The following LMNB2 variants were observed in gnomAD, a reference collection of about 807,000 sequenced individuals.
LMNB2 encodes the protein lamin-B2.
A neutral mutation model predicts 69.3 loss-of-function variants in LMNB2; 17 were observed. That is an observed-to-expected ratio of 0.25 (90% CI 0.17 to 0.37). The LOEUF is 0.37. LMNB2 is among the 10% of genes least tolerant of loss of function. LMNB2 has a pLI of 1.00. For synonymous variants in LMNB2, 397 were observed against 389.3 expected (o/e 1.02, Z -0.23); for missense variants, 789 against 883.6 (o/e 0.89, Z 1.36).
chr19:2,446,212 C>G (rs1971954073), intron 1 of LMNB2, among the ~76,000 whole-genome samples: 1 of 149,386 alleles, frequency 6.7e-6, no homozygotes, highest in African/African-American at 2.5e-5. Flanking sequence ...AGCTCCCCAC[C>G]CCACCAGCGG....
At chr19:2,432,850 C>T (rs1308274065) in intron 8 of LMNB2, among the ~76,000 whole-genome samples, 2 of 130,678 alleles carry the variant, frequency 1.5e-5, no homozygotes, top group Non-Finnish European at 3.3e-5. Flanking sequence ...TGGGTCACCC[C>T]GTTACCCCCA....
intron 2 of LMNB2, among the ~76,000 whole-genome samples, chr19:2,440,280 T>A (rs771540952): frequency 4.0e-5 from 6 of 149,352 alleles, no homozygotes; most frequent in South Asian, 4.2e-4. Flanking sequence ...AACCTCCACC[T>A]CCCGGGTTCA....
chr19:2,440,961 C>G lies in LMNB2; in HGVS notation c.402-2430G>C, dbSNP rs548173448. Among the ~76,000 whole-genome samples, 11 of 152,344 alleles carry G rather than the reference C, an allele frequency of 7.2e-5. No homozygotes were observed. The East Asian group carries it at 2.1e-3, about 29-fold the overall frequency. ...GGGCTGCCTTCCCAGCTCACAGTGCCCTCCCTGCCTAGGATCCGTAATAAA... is the reference window on the plus strand; with the variant it reads ...GGGCTGCCTTCCCAGCTCACAGTGCGCTCCCTGCCTAGGATCCGTAATAAA... On this transcript the variant is annotated intron_variant, in intron 2 of 11. Transcript: ENST00000325327.
intron 4 of LMNB2, among the ~76,000 whole-genome samples, chr19:2,435,926 A>G (rs1971816809): frequency 6.6e-6 from 1 of 151,886 alleles, no homozygotes; most frequent in African/African-American, 2.4e-5. Flanking sequence ...TGAGGCAGGC[A>G]GATCACGAGG....
rs1972094753 is a variant in LMNB2, at chr19:2,456,682, C to G, written c.252G>C (p.Val84=). The G allele has an allele frequency of 1.7e-5, 27 of 1,546,904 alleles. No individual in the cohort carries two copies. The highest frequency in any genetic ancestry group is 2.4e-5 in the Non-Finnish European group (27 of 1,147,342). Residue 84 remains valine, a synonymous_variant, in exon 1 of 12, where the codon GTG becomes GTC. Transcript: ENST00000325327. ...CCCCGGCGCCCACCTCGCGCGTGGT[C>G]ACCTCCTCCTTCTCTGAGATCTTGA... ...LLLKISEKEE[V]TTREVSGIKA...
At chr19:2,454,292 C>CAAAAAAAAAAAA (rs58800585) in intron 1 of LMNB2, among the ~76,000 whole-genome samples, 1 of 80,984 alleles carries the variant, frequency 1.2e-5, no homozygotes, top group African/African-American at 4.5e-5. Flanking sequence ...GACTCTATCT[C>CAAAAAAAAAAAA]AAAAAAAAAA....
Position 2,456,783 on chromosome 19 carries a change from G to A in LMNB2, c.151C>T (p.Arg51Cys). ...TGCGCCAGGCGGTCGTTGAGCTCGC[G>A]CAGCTCCTCCTTCTCCTGCAGCCGC... ...LSRLQEKEEL[R>C]ELNDRLAHYI... The change falls in exon 1 of 12, where the codon CGC (arginine) becomes TGC (cysteine). Residue 51 changes from arginine to cysteine, a missense_variant. By Grantham distance (180) the Arg-to-Cys change is radical. Transcript: ENST00000325327. The A allele has an allele frequency of 6.5e-7, 1 of 1,536,186 alleles. No homozygotes were observed. The highest frequency in any genetic ancestry group is 8.8e-7 in the Non-Finnish European group (1 of 1,140,758).
chr19:2,456,580 C>T (rs1972092945), intron 1 of LMNB2, 90 bp downstream of exon 1: 1 of 1,274,902 alleles, frequency 7.8e-7, no homozygotes. Context: ...CCGTCTGCAC[C>T]CCCGCCCAGG....
intron 1 of LMNB2, among the ~76,000 whole-genome samples, chr19:2,444,926 C>A (rs1315687765): frequency 6.6e-6 from 1 of 152,232 alleles, no homozygotes; most frequent in Non-Finnish European, 1.5e-5. Context: ...AGCCTGTCCC[C>A]TTCCCCGGAG....
At chr19:2,456,581 C>A in intron 1 of LMNB2, 89 bp downstream of exon 1, 1 of 1,278,578 alleles carries the variant, frequency 7.8e-7, no homozygotes, top group Non-Finnish European at 1.0e-6. Flanking sequence ...CGTCTGCACC[C>A]CCGCCCAGGG....
At chr19:2,435,876 C>T (rs958378413) in intron 4 of LMNB2, among the ~76,000 whole-genome samples, 5 of 151,998 alleles carry the variant, frequency 3.3e-5, no homozygotes, top group African/African-American at 9.7e-5. Context: ...GCGGGCCAGG[C>T]GTGGTGGCTC....
chr19:2,444,303 C>T (rs1217914563), intron 2 of LMNB2, 101 bp downstream of exon 2: 9 of 1,384,398 alleles, frequency 6.5e-6, no homozygotes, highest in African/African-American at 1.4e-5. Flanking sequence ...AGGCTGTGCC[C>T]GTATCAGAGC....
At chr19:2,442,828 G>A (rs1599337315) in intron 2 of LMNB2, among the ~76,000 whole-genome samples, 1 of 152,152 alleles carries the variant, frequency 6.6e-6, no homozygotes, top group Non-Finnish European at 1.5e-5. Flanking sequence ...CACCTAGGGC[G>A]GGCACTGTGT....
chr19:2,451,272 A>T (rs1972018585), intron 1 of LMNB2, among the ~76,000 whole-genome samples: 1 of 152,164 alleles, frequency 6.6e-6, no homozygotes, highest in African/African-American at 2.4e-5. Context: ...CCAGGGGGGA[A>T]GATGAAGAGA....
At chr19:2,440,738 A>G (rs1971890523) in intron 2 of LMNB2, among the ~76,000 whole-genome samples, 1 of 150,796 alleles carries the variant, frequency 6.6e-6, no homozygotes, top group African/African-American at 2.5e-5. Flanking sequence ...CCATCCATCC[A>G]TCTATCCACT....
intron 1 of LMNB2, among the ~76,000 whole-genome samples, chr19:2,444,808 G>T (rs1174896459): frequency 3.9e-5 from 6 of 152,184 alleles, no homozygotes; most frequent in Non-Finnish European, 2.9e-5. Context: ...CTCTGCTGCG[G>T]CCCCCTCTGG....
intron 1 of LMNB2, among the ~76,000 whole-genome samples, chr19:2,450,548 C>T (rs1296607386): frequency 1.3e-5 from 2 of 151,862 alleles, no homozygotes; most frequent in Admixed American, 6.6e-5. Flanking sequence ...GAGGCTGAGG[C>T]GGGCAGATCA....
At chr19:2,438,322 ATCTG>A in intron 3 of LMNB2, 34 bp from the exon 4 acceptor site, 2 of 1,613,696 alleles carry the variant, frequency 1.2e-6, no homozygotes, top group Non-Finnish European at 1.7e-6. Flanking sequence ...TGGTGTGACA[ATCTG>A]TCTGTTGCAT....
rs868015722 is a variant in LMNB2, at chr19:2,434,188, C to T, written c.1203-83G>A. On this transcript the variant is annotated intron_variant, in intron 7 of 11. Transcript: ENST00000325327. ...ACGCAGAGTGGCGGCCACGGCCCGG[C>T]CCCACCTCCACCCCTGCCCAGCACT... 85 of 1,537,006 alleles carry T rather than the reference C, an allele frequency of 5.5e-5. 1 individual carries two copies. In the Middle Eastern group the frequency reaches 1.8e-3, roughly 33 times the overall value.
Sources: allele counts gnomAD v4.1 joint callset (sites outside exome capture counted in the v4.1 genomes callset), GRCh38; gene constraint gnomAD v4.1.1; transcripts MANE v1.5; gene names NCBI Gene and HGNC (gene_info 2026-07-23, HGNC 2026-07-21).